Variants in EYS observed in about 807,000 individuals in gnomAD.
The protein encoded by EYS is protein eyes shut homolog.
A neutral mutation model predicts 282.1 loss-of-function variants in EYS; 250 were observed. The observed-to-expected ratio is 0.89, with a 90% confidence interval of 0.80 to 0.98. EYS has a LOEUF of 0.98. EYS is among the 50% of genes least tolerant of loss of function. The probability of loss-of-function intolerance (pLI) is 0.00; values close to 1 mark genes in which losing one functional copy is unlikely to be tolerated. For missense variants in EYS, 4,016 were observed against 3,709.0 expected, an observed-to-expected ratio of 1.08 and a Z score of -2.15; for synonymous variants, 1,355 against 1,282.9, an observed-to-expected ratio of 1.06 and a Z score of -1.20.
At chr6:64,118,630 A>C (rs368663199) in intron 31 of EYS, among the ~76,000 whole-genome samples, 1 of 152,258 alleles carries the variant, frequency 6.6e-6, no homozygotes, top group Middle Eastern at 3.4e-3. Flanking sequence ...TTGGGCAAAG[A>C]TTTTAATGGA....
chr6:63,948,494 C>G (rs889877226), intron 35 of EYS, among the ~76,000 whole-genome samples: 1 of 152,168 alleles, frequency 6.6e-6, no homozygotes, highest in Non-Finnish European at 1.5e-5. Flanking sequence ...ACAAACACCA[C>G]AAGGGTGTAT....
At chr6:64,693,537 G>T (rs914930704) in intron 22 of EYS, among the ~76,000 whole-genome samples, 10 of 152,242 alleles carry the variant, frequency 6.6e-5, no homozygotes, top group Middle Eastern at 6.8e-3. Flanking sequence ...TAATTCAATA[G>T]TGAATGTAAA....
At chr6:65,265,881 C>T (rs988129287) in intron 12 of EYS, among the ~76,000 whole-genome samples, 1 of 151,802 alleles carries the variant, frequency 6.6e-6, no homozygotes, top group Non-Finnish European at 1.5e-5. Context: ...ACAGCACTCA[C>T]CTTAACTTAC....
chr6:64,217,679 T>C (rs1765975902), intron 31 of EYS, among the ~76,000 whole-genome samples: 1 of 152,182 alleles, frequency 6.6e-6, no homozygotes, highest in African/African-American at 2.4e-5. Context: ...TAAATTCTTA[T>C]TAAATTTTCC....
chr6:65,577,020 T>C (rs1241745795), intron 2 of EYS, among the ~76,000 whole-genome samples: 2 of 151,822 alleles, frequency 1.3e-5, no homozygotes, highest in Non-Finnish European at 2.9e-5. Flanking sequence ...TTTTATGCAA[T>C]TTACATCAAA....
chr6:64,806,190 T>A (rs1764417677), intron 22 of EYS, among the ~76,000 whole-genome samples: 1 of 151,766 alleles, frequency 6.6e-6, no homozygotes, highest in African/African-American at 2.4e-5. Flanking sequence ...TAATAAAATG[T>A]CACCTAAACT....
At chr6:64,945,648 A>G in intron 15 of EYS, 145 bp downstream of exon 15, 1 of 648,728 alleles carries the variant, frequency 1.5e-6, no homozygotes. Context: ...TGATTGCGAC[A>G]CCATCTTGTC....
At chr6:64,608,945 T>A (rs916521341) in intron 24 of EYS, among the ~76,000 whole-genome samples, 1 of 152,192 alleles carries the variant, frequency 6.6e-6, no homozygotes, top group Non-Finnish European at 1.5e-5. Flanking sequence ...TTTTAGGGCA[T>A]TGTTACTATT....
chr6:63,991,141 T>C (rs1292737525), intron 34 of EYS, among the ~76,000 whole-genome samples: 1 of 151,554 alleles, frequency 6.6e-6, no homozygotes, highest in African/African-American at 2.4e-5. Flanking sequence ...AAGAAGAAAC[T>C]GGAAAATCAC....
At chr6:63,752,689 G>T (rs1427312154) in intron 41 of EYS, among the ~76,000 whole-genome samples, 1 of 151,784 alleles carries the variant, frequency 6.6e-6, no homozygotes, top group African/African-American at 2.4e-5. Flanking sequence ...TAGAGACGGG[G>T]TTTCACCGTG....
At chr6:65,315,206 C>T (rs1769266556) in intron 11 of EYS, among the ~76,000 whole-genome samples, 1 of 152,112 alleles carries the variant, frequency 6.6e-6, no homozygotes, top group Admixed American at 6.6e-5. Context: ...TCAGAATTTT[C>T]TAATTCATAG....
At chr6:64,310,062 A>G (rs958433692) in intron 29 of EYS, among the ~76,000 whole-genome samples, 80 of 115,784 alleles carry the variant, frequency 6.9e-4, no homozygotes, top group Non-Finnish European at 1.2e-3. Context: ...ATTAAAAGTA[A>G]AAAAAATAAA....
At chr6:65,605,289 A>G (rs2149792124) in intron 2 of EYS, among the ~76,000 whole-genome samples, 1 of 151,646 alleles carries the variant, frequency 6.6e-6, no homozygotes, top group South Asian at 2.1e-4. Context: ...ATAAACACAC[A>G]AGTGAAAAAA....
chr6:65,620,815 G>A (rs1014427661), intron 2 of EYS, among the ~76,000 whole-genome samples: 2 of 152,124 alleles, frequency 1.3e-5, no homozygotes, highest in Non-Finnish European at 2.9e-5. Flanking sequence ...TATGTACCCA[G>A]TAGTCATTCA....
chr6:65,633,063 C>T (rs900699956), intron 2 of EYS, among the ~76,000 whole-genome samples: 35 of 152,184 alleles, frequency 2.3e-4, no homozygotes, highest in Non-Finnish European at 2.8e-4. Context: ...AAAAGGTTGG[C>T]TCATATAAAG....
intron 22 of EYS, among the ~76,000 whole-genome samples, chr6:64,699,722 A>G (rs6936215): frequency 0.68 from 103,373 of 151,900 alleles, 36,243 homozygotes; most frequent in Middle Eastern, 0.78. Context: ...CCAACCAAAA[A>G]TTCCCAAGAC....
chr6:65,454,644 A>G (rs1250183461), intron 5 of EYS, among the ~76,000 whole-genome samples: 1 of 151,728 alleles, frequency 6.6e-6, no homozygotes, highest in African/African-American at 2.4e-5. Flanking sequence ...TTCAGATTTT[A>G]CATATAAATA....
At chr6:64,492,454 T>C (rs1776766850) in intron 26 of EYS, among the ~76,000 whole-genome samples, 2 of 150,570 alleles carry the variant, frequency 1.3e-5, no homozygotes, top group African/African-American at 2.4e-5. Context: ...TCCCAGTTCA[T>C]GCTGGTCCTG....
Position 65,321,812 on chromosome 6 carries a change from G to A in EYS, c.1766+13168C>T, listed in dbSNP as rs191501662. Among the ~76,000 whole-genome samples the A allele has an allele frequency of 2.7e-3, 404 of 152,294 alleles. 1 individual carries two copies. The highest frequency in any genetic ancestry group is 4.8e-3 in the Non-Finnish European group (324 of 68,024). ...GGCCATTGCCTCAAAATCAGTGAGA[G>A]AGACAATGTGATGTCTGGTGAAATG... On this transcript the variant is annotated intron_variant, in intron 11 of 42. Transcript: ENST00000503581.
Sources: gnomAD v4.1 joint callset for allele counts (sites outside exome capture counted in the v4.1 genomes callset) on GRCh38, gnomAD v4.1.1 for gene constraint, MANE v1.5 for transcripts, NCBI Gene and HGNC (gene_info 2026-07-23, HGNC 2026-07-21) for gene names.